The following EPHA7 variants were observed in gnomAD, a reference collection of about 807,000 sequenced individuals.
EPHA7 encodes the protein ephrin type-A receptor 7.
Under a neutral mutation model 112.6 loss-of-function variants are expected in EPHA7, and 25 were observed. That is an observed-to-expected ratio of 0.22 (90% CI 0.16 to 0.31). EPHA7 has a LOEUF of 0.31. Among genes scored for constraint, EPHA7 ranks in the 10% least tolerant of loss-of-function variants. The pLI is 1.00. For synonymous variants in EPHA7, 437 were observed against 406.5 expected, an observed-to-expected ratio of 1.07 and a Z score of -0.90; for missense variants, 962 against 1,212.6, an observed-to-expected ratio of 0.79 and a Z score of 3.07.
At chr6:93,363,123 A>G (rs1776336992) in intron 3 of EPHA7, among the ~76,000 whole-genome samples, 1 of 152,104 alleles carries the variant, frequency 6.6e-6, no homozygotes, top group African/African-American at 2.4e-5. Flanking sequence ...GAAGGCTTTG[A>G]TAGGACACTA....
rs2127994383 is a variant in EPHA7 at position 93,410,606 on chromosome 6, C to G, written c.727G>C (p.Glu243Gln). ...CTGCAGTGCATCCTGGGGGCGTTTTCCGCTTCTTCCTCTGCACTGCTGACA... is the reference window on the plus strand; with the variant it reads ...CTGCAGTGCATCCTGGGGGCGTTTTGCGCTTCTTCCTCTGCACTGCTGACA... ...TCVSSAEEEAENAPRMHCSAE... is the reference protein window; with the variant it reads ...TCVSSAEEEAQNAPRMHCSAE... Residue 243 changes from glutamate to glutamine, a missense_variant, in exon 3 of 17, where the codon GAA (glutamate) becomes CAA (glutamine). Coordinates refer to ENST00000369303, the MANE Select transcript of EPHA7 (RefSeq NM_004440.4). The surrounding 1 kb of genome is among the most constrained non-coding windows in gnomAD (Gnocchi z 4.0). The G allele has an allele frequency of 6.2e-7, 1 of 1,614,014 alleles. No individual in the cohort carries two copies. The highest frequency in any genetic ancestry group is 8.5e-7 in the Non-Finnish European group (1 of 1,179,966).
intron 3 of EPHA7, among the ~76,000 whole-genome samples, chr6:93,380,085 C>T (rs1777259442): frequency 6.6e-6 from 1 of 152,004 alleles, no homozygotes; most frequent in Non-Finnish European, 1.5e-5. Flanking sequence ...AAACAGATTT[C>T]ATTCTCCAGC....
intron 2 of EPHA7, among the ~76,000 whole-genome samples, chr6:93,414,108 A>G (rs1779108525): frequency 6.6e-6 from 1 of 151,900 alleles, no homozygotes; most frequent in Non-Finnish European, 1.5e-5. Context: ...ACTCATATCT[A>G]TTGCAGATTT....
intron 5 of EPHA7, among the ~76,000 whole-genome samples, chr6:93,342,262 A>C (rs1378067018): frequency 6.6e-6 from 1 of 151,662 alleles, no homozygotes; most frequent in South Asian, 2.1e-4. Context: ...TGTGGAATTC[A>C]CTCTTGCTGT....
intron 2 of EPHA7, among the ~76,000 whole-genome samples, chr6:93,411,428 T>A (rs1379081039): frequency 6.6e-6 from 1 of 152,164 alleles, no homozygotes; most frequent in Admixed American, 6.5e-5. Flanking sequence ...ATATTAGTGT[T>A]TCTTTTTTAC....
At chr6:93,356,633 G>T (rs2127944522) in intron 5 of EPHA7, 84 bp downstream of exon 5, 2 of 1,277,296 alleles carry the variant, frequency 1.6e-6, no homozygotes, top group Non-Finnish European at 2.2e-6. Context: ...GCTCTGTGCA[G>T]AGAAACTAAC....
intron 3 of EPHA7, among the ~76,000 whole-genome samples, chr6:93,380,336 T>C (rs1195031741): frequency 6.6e-6 from 1 of 152,058 alleles, no homozygotes; most frequent in Non-Finnish European, 1.5e-5. Context: ...CCACTTACAG[T>C]ATATAATACA....
intron 14 of EPHA7, among the ~76,000 whole-genome samples, chr6:93,248,083 G>C (rs1770039323): frequency 6.7e-6 from 1 of 150,190 alleles, no homozygotes. Context: ...CTGATATAAT[G>C]GTAGAAATGT....
Position 93,333,837 on chromosome 6 carries a change from G to GA in EPHA7, c.1324+22879dup, listed in dbSNP as rs557088591. Among the ~76,000 whole-genome samples the GA allele has an allele frequency of 5.4e-3, 821 of 151,916 alleles. 7 individuals carry two copies. The highest frequency in any genetic ancestry group is 6.6e-3 in the Non-Finnish European group (450 of 67,848). On this transcript the variant is annotated intron_variant, in intron 5 of 16. Coordinates refer to ENST00000369303, the MANE Select transcript of EPHA7 (RefSeq NM_004440.4). ...AAAAACATTCCATGCTAAATGATAG[G>GA]AAAAAATCAATATTGTTAAAATGGC...
chr6:93,290,140 G>A (rs1772285529), intron 5 of EPHA7, among the ~76,000 whole-genome samples: 1 of 151,852 alleles, frequency 6.6e-6, no homozygotes, highest in African/African-American at 2.4e-5. Flanking sequence ...ATACACATAT[G>A]TAATGATTTT....
At chr6:93,266,463 G>A (rs918490033) in intron 7 of EPHA7, among the ~76,000 whole-genome samples, 20 of 151,536 alleles carry the variant, frequency 1.3e-4, no homozygotes, top group African/African-American at 2.9e-4. Flanking sequence ...TGTCAGGGTC[G>A]TACTTTAATC....
intron 3 of EPHA7, among the ~76,000 whole-genome samples, chr6:93,370,510 A>G (rs1303685121): frequency 6.6e-6 from 1 of 152,190 alleles, no homozygotes; most frequent in Non-Finnish European, 1.5e-5. Flanking sequence ...CTTATGAAAA[A>G]TAATTTCAAT....
At chr6:93,390,547 C>A (rs564317216) in intron 3 of EPHA7, among the ~76,000 whole-genome samples, 1 of 148,342 alleles carries the variant, frequency 6.7e-6, no homozygotes, top group African/African-American at 2.5e-5. Flanking sequence ...CTGTAACTTA[C>A]TTTCAAATGG....
At chr6:93,352,304 G>A (rs751721245) in intron 5 of EPHA7, among the ~76,000 whole-genome samples, 48 of 152,098 alleles carry the variant, frequency 3.2e-4, no homozygotes, top group Non-Finnish European at 5.3e-4. Flanking sequence ...TTTTATTAAC[G>A]TTCATACTTC....
intron 3 of EPHA7, among the ~76,000 whole-genome samples, chr6:93,359,344 A>G (rs1776121276): frequency 6.6e-6 from 1 of 151,178 alleles, no homozygotes. Context: ...TTATTTTTAC[A>G]TTATTTCAAT....
rs371074567 is a variant in EPHA7 at position 93,246,812 on chromosome 6, A to G, written c.2706T>C (p.Thr902=). The change falls in exon 15 of 17, where the codon ACT becomes ACC. Residue 902 remains threonine (T), a synonymous_variant. Transcript: ENST00000369303. ...CTTACCTACTACAAGTTCCCAGGGG[A>G]GTTTTCAGACTATTTGGGTTTCGAA... is the stretch of plus-strand genomic sequence containing the variant. The part of the protein sequence containing the change: ...KMIRNPNSLK[T]PLGTCSRPIS... 1.2e-6 allele frequency: 2 copies of G among 1,607,534 alleles called. No homozygotes were observed. Among genetic ancestry groups the G allele is most frequent in the Non-Finnish European group, 1.7e-6 (2 of 1,174,426 alleles).
At chr6:93,370,765 T>C (rs1776748303) in intron 3 of EPHA7, among the ~76,000 whole-genome samples, 4 of 152,148 alleles carry the variant, frequency 2.6e-5, no homozygotes, top group Admixed American at 6.5e-5. Flanking sequence ...TGAAAACTTA[T>C]TTATATGTAC....
At chr6:93,280,421 C>G (rs1443771880) in intron 5 of EPHA7, among the ~76,000 whole-genome samples, 1 of 152,110 alleles carries the variant, frequency 6.6e-6, no homozygotes, top group Non-Finnish European at 1.5e-5. Context: ...TGTCTAGTGG[C>G]CTCCACCAAT....
chr6:93,321,054 A>G (rs746187841), intron 5 of EPHA7, among the ~76,000 whole-genome samples: 11 of 151,780 alleles, frequency 7.2e-5, no homozygotes, highest in Non-Finnish European at 1.5e-4. Flanking sequence ...AAGATCTACA[A>G]TATACAATTC....
Sources: allele counts gnomAD v4.1 joint callset (sites outside exome capture counted in the v4.1 genomes callset), GRCh38; gene constraint gnomAD v4.1.1; non-coding constraint Gnocchi (gnomAD v3.1); transcripts MANE v1.5; gene names NCBI Gene and HGNC (gene_info 2026-07-23, HGNC 2026-07-21).